KIAA1217: variants seen among roughly 807,000 people sequenced by gnomAD.
KIAA1217 encodes sickle tail protein homolog.
A neutral mutation model predicts 163.9 loss-of-function variants in KIAA1217; 88 were observed. The observed-to-expected ratio is 0.54, with a 90% CI of 0.45 to 0.64. KIAA1217 has a LOEUF of 0.64. Ranked by LOEUF, KIAA1217 falls within the 30% of genes least tolerant of loss-of-function variation. The probability of loss-of-function intolerance (pLI) is 0.00; values close to 1 mark genes in which losing one functional copy is unlikely to be tolerated. For missense variants in KIAA1217, 2,372 were observed against 2,475.0 expected, an observed-to-expected ratio of 0.96 and a Z score of 0.88; for synonymous variants, 903 against 923.1, an observed-to-expected ratio of 0.98 and a Z score of 0.39.
intron 2 of KIAA1217, among the ~76,000 whole-genome samples, chr10:24,309,412 A>G (rs1319638024): frequency 6.6e-6 from 1 of 151,924 alleles, no homozygotes; most frequent in African/African-American, 2.4e-5. Flanking sequence ...GTTGCACACT[A>G]TATCTGACTG....
chr10:24,311,085 C>T (rs978223700), intron 2 of KIAA1217, among the ~76,000 whole-genome samples: 3 of 152,132 alleles, frequency 2.0e-5, no homozygotes, highest in African/African-American at 7.2e-5. Context: ...CAGGGTTCTC[C>T]TTGAAGTCAA....
chr10:24,334,075 G>A (rs1448695175), intron 2 of KIAA1217, among the ~76,000 whole-genome samples: 3 of 152,130 alleles, frequency 2.0e-5, no homozygotes, highest in Non-Finnish European at 4.4e-5. Context: ...CTCCTTCTAA[G>A]AGATCTTTAA....
intron 6 of KIAA1217, chr10:24,482,732 G>T (rs747395063): frequency 6.6e-6 from 1 of 152,172 alleles, no homozygotes. Context: ...TAAAAAGTCT[G>T]TATTGAACTG....
In KIAA1217 at chr10:23,943,897, C is replaced by T. The variant is rs562435529; in HGVS notation, c.-320-63328C>T. Among the ~76,000 whole-genome samples, 24 of 152,302 alleles carry T rather than the reference C, an allele frequency of 1.6e-4. No homozygotes were observed. In the South Asian group the frequency reaches 4.8e-3, roughly 30 times the overall value. On this transcript the variant is annotated intron_variant, in intron 1 of 18. Coordinates refer to the KIAA1217 transcript ENST00000376462. ...ACTGGATACACAATGAAAAACTAAACTTTTCCACCTACTTCATCCCTCACA... is the reference window on the plus strand; with the variant it reads ...ACTGGATACACAATGAAAAACTAAATTTTTCCACCTACTTCATCCCTCACA...
rs78968703 is a variant in KIAA1217 at position 23,831,007 on chromosome 10, G to A, written c.-321+135773G>A. Among the ~76,000 whole-genome samples the A allele has an allele frequency of 1.2e-3, 184 of 152,198 alleles. 11 individuals are homozygous for A. In the East Asian group the frequency reaches 0.027, roughly 22 times the overall value. On this transcript the variant is annotated intron_variant, in intron 1 of 18. Coordinates refer to the KIAA1217 transcript ENST00000376462. ...AAAGGATTCGGGTGAGCAGGAGGCA[G>A]CATCCTGCAGAGCCCTGAGCTGAGT...
At chr10:24,244,592 T>C (rs1166456090) in intron 2 of KIAA1217, among the ~76,000 whole-genome samples, 4 of 144,462 alleles carry the variant, frequency 2.8e-5, no homozygotes, top group Non-Finnish European at 4.5e-5. Flanking sequence ...TTGAGACATG[T>C]CTTACTCTGT....
chr10:24,179,625 G>C (rs1464766228), intron 2 of KIAA1217, among the ~76,000 whole-genome samples: 1 of 151,868 alleles, frequency 6.6e-6, no homozygotes, highest in Non-Finnish European at 1.5e-5. Flanking sequence ...GTCTCACTCT[G>C]TCACCCAGGC....
At chr10:23,809,000 G>A (rs1248716169) in intron 1 of KIAA1217, among the ~76,000 whole-genome samples, 4 of 152,038 alleles carry the variant, frequency 2.6e-5, no homozygotes, top group African/African-American at 4.8e-5. Context: ...ATGTAAGACA[G>A]TAAAATATCT....
chr10:23,780,985 G>T (rs187033758), intron 1 of KIAA1217, among the ~76,000 whole-genome samples: 1 of 152,138 alleles, frequency 6.6e-6, no homozygotes, highest in East Asian at 1.9e-4. Context: ...CTGGACACCG[G>T]ATTTTCTTAA....
rs775419687 is a variant in KIAA1217, at chr10:24,501,446, T to G, written c.1902T>G (p.Pro634=). 1.2e-6 allele frequency: 2 copies of G among 1,614,062 alleles called. No individual in the cohort carries two copies. The highest frequency in any genetic ancestry group is 1.7e-6 in the Non-Finnish European group (2 of 1,179,992). ...AGTCCACGGTGCCTCCCAGCCAGCC[T>G]CCACCTGTGGGCACCTCAGCCATCC... ...ALESTVPPSQ[P]PPVGTSAIHM... Residue 634 remains proline (P), a synonymous_variant, in exon 9 of 21, where the codon CCT becomes CCG. Coordinates refer to ENST00000376454, the MANE Select transcript of KIAA1217 (RefSeq NM_019590.5).
intron 1 of KIAA1217, among the ~76,000 whole-genome samples, chr10:23,836,702 A>T (rs1023478685): frequency 6.6e-6 from 1 of 151,778 alleles, no homozygotes; most frequent in African/African-American, 2.4e-5. Context: ...AGGCGGGAGG[A>T]TTGCTGGAAC....
rs377011264 is a variant in KIAA1217, at chr10:24,440,299, G to T, written c.846+1820G>T. ...TGGACTAAATATTACAGCACCATTT[G>T]CCTTTTATTACTCTGTTATTCTCTT... On this transcript the variant is annotated intron_variant, in intron 5 of 20. Transcript: ENST00000376454. 5.3e-5 allele frequency among the ~76,000 whole-genome samples: 8 copies of T among 152,254 alleles called. 1 individual carries two copies. The highest frequency in any genetic ancestry group is 1.7e-4 in the African/African-American group (7 of 41,560).
At position 24,345,238 on chromosome 10, in the gene KIAA1217, T is replaced by A. The variant is rs149593732; in HGVS notation, c.355-35631T>A. Among the ~76,000 whole-genome samples, 1,005 of 152,274 alleles carry A rather than the reference T, an allele frequency of 6.6e-3. 9 individuals are homozygous for A. The highest frequency in any genetic ancestry group is 8.0e-3 in the Non-Finnish European group (543 of 68,022). On this transcript the variant is annotated intron_variant, in intron 2 of 20. Coordinates refer to ENST00000376454, the MANE Select transcript of KIAA1217 (RefSeq NM_019590.5). ...AGGGGGTGGTAGAAGCCACGGCAGA[T>A]CATGGCAGATGGCACTTAGGGACAG...
At chr10:23,981,092 G>C (rs929154572) in intron 1 of KIAA1217, among the ~76,000 whole-genome samples, 10 of 152,132 alleles carry the variant, frequency 6.6e-5, no homozygotes, top group East Asian at 1.9e-4. Flanking sequence ...TTTAGTTAAG[G>C]CATCATTGGA....
chr10:24,354,517 G>A (rs1475453319), intron 2 of KIAA1217, among the ~76,000 whole-genome samples: 1 of 152,170 alleles, frequency 6.6e-6, no homozygotes, highest in Non-Finnish European at 1.5e-5. Context: ...TGCCCTCTTG[G>A]TATCCAAGTC....
At chr10:24,446,346 T>C (rs1270928142) in intron 5 of KIAA1217, among the ~76,000 whole-genome samples, 1 of 152,136 alleles carries the variant, frequency 6.6e-6, no homozygotes, top group Non-Finnish European at 1.5e-5. Context: ...TCTTTTTATA[T>C]TTAATTTTGC....
upstream of KIAA1217, among the ~76,000 whole-genome samples, chr10:24,207,693 T>C (rs1356015673): frequency 6.6e-6 from 1 of 152,178 alleles, no homozygotes; most frequent in Non-Finnish European, 1.5e-5. Context: ...TCAAGAAAAA[T>C]CCCGTTAAGA....
chr10:23,905,690 A>G (rs1183905639), intron 1 of KIAA1217, among the ~76,000 whole-genome samples: 2 of 152,122 alleles, frequency 1.3e-5, no homozygotes. Flanking sequence ...CCCATTCTTT[A>G]ATGGAAAAAG....
At chr10:24,137,935 T>A (rs949876368) in intron 2 of KIAA1217, among the ~76,000 whole-genome samples, 5 of 152,164 alleles carry the variant, frequency 3.3e-5, no homozygotes, top group African/African-American at 4.8e-5. Flanking sequence ...TATTTTTTGT[T>A]GCAAAGGATG....
Sources: gnomAD v4.1 joint callset for allele counts (sites outside exome capture counted in the v4.1 genomes callset) on GRCh38, gnomAD v4.1.1 for gene constraint, MANE v1.5 for transcripts, NCBI Gene and HGNC (gene_info 2026-07-23, HGNC 2026-07-21) for gene names.